DNAJC13: variants seen among roughly 807,000 people sequenced by gnomAD.
The protein encoded by DNAJC13 is dnaJ homolog subfamily C member 13.
DNAJC13 carries 75 observed loss-of-function variants against 290.5 expected under a neutral mutation model. That is an observed-to-expected ratio of 0.26 (90% CI 0.21 to 0.31). DNAJC13 has a LOEUF of 0.31. Ranked by LOEUF, DNAJC13 falls within the 10% of genes least tolerant of loss-of-function variation. The probability of loss-of-function intolerance (pLI) is 1.00; values close to 1 mark genes in which losing one functional copy is unlikely to be tolerated. For missense variants in DNAJC13, 2,260 were observed against 2,674.5 expected (o/e 0.85, Z 3.42); for synonymous variants, 862 against 892.0 (o/e 0.97, Z 0.60).
At chr3:132,476,523 A>G (rs1278565313) in intron 22 of DNAJC13, among the ~76,000 whole-genome samples, 1 of 152,226 alleles carries the variant, frequency 6.6e-6, no homozygotes, top group African/African-American at 2.4e-5. Context: ...TAGCAAGCAC[A>G]TCATTTCTGT....
intron 20 of DNAJC13, among the ~76,000 whole-genome samples, chr3:132,470,579 C>A (rs1934172061): frequency 7.1e-6 from 1 of 140,398 alleles, no homozygotes; most frequent in Non-Finnish European, 1.6e-5. Context: ...AGAGGCGCCC[C>A]TCACCTCCCG....
At chr3:132,479,748 A>T (rs1164929714) in intron 25 of DNAJC13, among the ~76,000 whole-genome samples, 1 of 152,120 alleles carries the variant, frequency 6.6e-6, no homozygotes, top group Non-Finnish European at 1.5e-5. Flanking sequence ...TAATAGGTTC[A>T]TGCTCATTTC....
chr3:132,455,716 A>G (rs1933575239), intron 9 of DNAJC13, among the ~76,000 whole-genome samples: 1 of 152,248 alleles, frequency 6.6e-6, no homozygotes, highest in South Asian at 2.1e-4. Flanking sequence ...TATGATAAGT[A>G]AAATAAGCAA....
chr3:132,487,343 G>A (rs866783919), intron 29 of DNAJC13, among the ~76,000 whole-genome samples: 1 of 151,860 alleles, frequency 6.6e-6, no homozygotes, highest in Non-Finnish European at 1.5e-5. Context: ...TGCAACCTCC[G>A]CCTCCCGGGT....
chr3:132,483,485 C>T lies in DNAJC13; in HGVS notation c.3090C>T (p.Leu1030=), dbSNP rs1228786359. 6 of 1,614,008 alleles carry T rather than the reference C, an allele frequency of 3.7e-6. No individual in the cohort carries two copies. Among genetic ancestry groups the T allele is most frequent in the Non-Finnish European group, 5.1e-6 (6 of 1,179,988 alleles). Residue 1030 remains leucine (L), a synonymous_variant, in exon 28 of 56, where the codon CTC becomes CTT. Transcript: ENST00000260818. ...CCATACCCCAGCTTAAGTGGTGTCT[C>T]TTAGCCAGTGGACAGGCTGTCCTGA... is the stretch of plus-strand genomic sequence containing the variant. ...LQSIPQLKWC[L]LASGQAVLNE...
At chr3:132,463,448 T>G (rs1057268640) in intron 16 of DNAJC13, among the ~76,000 whole-genome samples, 3 of 152,168 alleles carry the variant, frequency 2.0e-5, no homozygotes, top group African/African-American at 7.2e-5. Flanking sequence ...GTTTTAATAT[T>G]AAGTTTAGCA....
At chr3:132,458,410 A>G (rs962877261) in intron 13 of DNAJC13, 3 of 152,186 alleles carry the variant, frequency 2.0e-5, no homozygotes, top group Non-Finnish European at 4.4e-5. Context: ...GAACTTAACA[A>G]TGATATGGAG....
In DNAJC13 at chr3:132,495,001, A is replaced by T. The variant is rs573645120; in HGVS notation, c.3942-87A>T. On this transcript the variant is annotated intron_variant, in intron 34 of 55. Transcript: ENST00000260818. ...AATCATATACAATTCTTGATATTAGATTCTTAAAATATCATTTTAGATGGT... is the reference window on the plus strand; with the variant it reads ...AATCATATACAATTCTTGATATTAGTTTCTTAAAATATCATTTTAGATGGT... 37 of 873,464 alleles carry T rather than the reference A, an allele frequency of 4.2e-5. No homozygotes were observed. In the East Asian group the frequency reaches 7.5e-4, roughly 18 times the overall value. The allele number at this position is 873,464 out of a possible 1,614,324, so 54.1% of individuals were successfully genotyped here. A position where few individuals can be genotyped will look rare whatever the true frequency, so the allele number is the denominator to read the frequency against.
At chr3:132,492,278 A>G (rs1322980383) in intron 32 of DNAJC13, 136 bp from the exon 33 acceptor site, 5 of 976,464 alleles carry the variant, frequency 5.1e-6, no homozygotes, top group Non-Finnish European at 7.7e-6. Flanking sequence ...TACCATATTT[A>G]AAAGCTCTCA....
At chr3:132,504,969 G>GT (rs920560918) in intron 41 of DNAJC13, among the ~76,000 whole-genome samples, 1 of 152,182 alleles carries the variant, frequency 6.6e-6, no homozygotes, top group African/African-American at 2.4e-5. Context: ...GTCACAGTGT[G>GT]TTTATTAAGT....
chr3:132,514,852 C>A (rs570286138), intron 46 of DNAJC13, 182 bp downstream of exon 46: 54 of 524,470 alleles, frequency 1.0e-4, no homozygotes, highest in Non-Finnish European at 1.5e-4. Flanking sequence ...TTTCCTATGT[C>A]AAAAGTTGAA....
At chr3:132,466,864 C>T (rs936866511) in intron 19 of DNAJC13, among the ~76,000 whole-genome samples, 4 of 152,136 alleles carry the variant, frequency 2.6e-5, no homozygotes, top group African/African-American at 9.7e-5. Context: ...AATTAAACAT[C>T]TTTATGATAC....
intron 24 of DNAJC13, among the ~76,000 whole-genome samples, 192 bp downstream of exon 24, chr3:132,478,332 C>T (rs1934542818): frequency 6.6e-6 from 1 of 152,006 alleles, no homozygotes; most frequent in African/African-American, 2.4e-5. Context: ...AGAATTTGTC[C>T]ATGTCACTTT....
In DNAJC13 at chr3:132,480,438, C is replaced by A; in HGVS notation, c.2842C>A (p.Leu948Ile). The A allele has an allele frequency of 1.2e-6, 2 of 1,613,320 alleles. No homozygotes were observed. The highest frequency in any genetic ancestry group is 1.7e-6 in the Non-Finnish European group (2 of 1,179,480). ...TGTGGACTTGCTTACCCTTGCACAT[C>A]TCCATGTAAGCCGAGCTACAGTACC... ...ILVDLLTLAH[L>I]HVSRATVPLQ... is the part of the protein sequence containing the mutation. The change falls in exon 26 of 56, where the codon CTC becomes ATC. Residue 948 changes from leucine to isoleucine, a missense_variant. Transcript: ENST00000260818.
chr3:132,523,092 T>G (rs1360705701), intron 49 of DNAJC13, 65 bp from the exon 50 acceptor site: 2 of 1,609,038 alleles, frequency 1.2e-6, no homozygotes, highest in Non-Finnish European at 1.7e-6. Context: ...CTAAAACTTA[T>G]GCTAAAGGTT....
chr3:132,432,508 A>G (rs1939268436), intron 1 of DNAJC13, among the ~76,000 whole-genome samples: 1 of 152,186 alleles, frequency 6.6e-6, no homozygotes, highest in East Asian at 1.9e-4. Context: ...CCCGGCCTCT[A>G]CAATATTTTT....
chr3:132,460,449 TTA>T, intron 14 of DNAJC13, 92 bp downstream of exon 14: 1 of 811,432 alleles, frequency 1.2e-6, no homozygotes, highest in Non-Finnish European at 2.0e-6. Flanking sequence ...TTTTTTTTTT[TTA>T]TTGTAGCCCC....
At chr3:132,488,534 C>T in intron 30 of DNAJC13, 82 bp downstream of exon 30, 1 of 1,303,766 alleles carries the variant, frequency 7.7e-7, no homozygotes, top group Non-Finnish European at 1.0e-6. Flanking sequence ...TTGTGAGTAC[C>T]TTATTGCTTT....
chr3:132,456,277 T>C lies in DNAJC13; in HGVS notation c.975T>C (p.Ser325=). 3.7e-6 allele frequency: 6 copies of C among 1,613,902 alleles called. No homozygotes were observed. The highest frequency in any genetic ancestry group is 3.4e-6 in the Non-Finnish European group (4 of 1,179,834). ...LASLLDGVRA[S]GNRDVCVKMT... ...GTTTGCTGGATGGAGTAAGAGCCTC[T>C]GGTAATAGAGATGTTTGTGTAAAAA... Residue 325 remains serine (S), a synonymous_variant, in exon 10 of 56, where the codon TCT becomes TCC. Transcript: ENST00000260818.
Sources: allele counts gnomAD v4.1 joint callset (sites outside exome capture counted in the v4.1 genomes callset), GRCh38; gene constraint gnomAD v4.1.1; transcripts MANE v1.5; gene names NCBI Gene and HGNC (gene_info 2026-07-23, HGNC 2026-07-21).